Variants in GPD2 observed in about 807,000 individuals in gnomAD.
GPD2 encodes the protein glycerol-3-phosphate dehydrogenase, mitochondrial.
A neutral mutation model predicts 82.4 loss-of-function variants in GPD2; 54 were observed. That is an observed-to-expected ratio of 0.66 (90% CI 0.53 to 0.82). The LOEUF (loss-of-function observed/expected upper bound fraction) is 0.82. Among genes scored for constraint, GPD2 ranks in the 40% least tolerant of loss-of-function variants. The pLI is 0.00. For synonymous variants in GPD2, 288 were observed against 306.1 expected (o/e 0.94, Z 0.62); for missense variants, 748 against 896.2 (o/e 0.83, Z 2.11).
At chr2:156,521,166 A>G (rs964753905) in intron 6 of GPD2, among the ~76,000 whole-genome samples, 1 of 152,236 alleles carries the variant, frequency 6.6e-6, no homozygotes, top group African/African-American at 2.4e-5. Context: ...TGTTCACATA[A>G]TGGAGTAAAA....
chr2:156,530,504 G>A (rs1005810205), intron 6 of GPD2, among the ~76,000 whole-genome samples: 7 of 150,156 alleles, frequency 4.7e-5, no homozygotes, highest in African/African-American at 1.7e-4. Flanking sequence ...TCCCTGTCTT[G>A]TGCCAGTTTT....
At chr2:156,490,737 A>G (rs1404314822) in intron 2 of GPD2, among the ~76,000 whole-genome samples, 1 of 152,200 alleles carries the variant, frequency 6.6e-6, no homozygotes, top group East Asian at 1.9e-4. Flanking sequence ...TAACTTCTGT[A>G]TGTCTCAGAT....
intron 2 of GPD2, among the ~76,000 whole-genome samples, chr2:156,481,860 T>C (rs1683745443): frequency 6.6e-6 from 1 of 152,206 alleles, no homozygotes; most frequent in South Asian, 2.1e-4. Flanking sequence ...CATCTGTTGA[T>C]GGACATTTAG....
At chr2:156,419,429 G>T in the GPD2 span, among the ~76,000 whole-genome samples, 1 of 152,182 alleles carries the variant, frequency 6.6e-6, no homozygotes, top group Non-Finnish European at 1.5e-5. Flanking sequence ...GTTTTATAAA[G>T]AAATGGCATT....
intron 3 of GPD2, among the ~76,000 whole-genome samples, chr2:156,499,493 C>CA (rs1360220728): frequency 1.3e-5 from 2 of 152,102 alleles, no homozygotes; most frequent in East Asian, 3.9e-4. Context: ...GGTCAGATTG[C>CA]AAGACTTCAA....
At chr2:156,480,027 T>C (rs1683665522) in intron 2 of GPD2, among the ~76,000 whole-genome samples, 1 of 152,188 alleles carries the variant, frequency 6.6e-6, no homozygotes, top group East Asian at 1.9e-4. Context: ...TCAAGTTGAT[T>C]GTGATTCACT....
intron 3 of GPD2, among the ~76,000 whole-genome samples, chr2:156,507,601 T>C (rs1280154278): frequency 3.3e-5 from 5 of 152,182 alleles, no homozygotes; most frequent in African/African-American, 1.2e-4. Flanking sequence ...GCTAGGATTA[T>C]GTGAGCCACT....
Position 156,550,779 on chromosome 2 carries a change from A to C in GPD2, c.971+33A>C. On this transcript the variant is annotated intron_variant, in intron 8 of 16. Coordinates refer to ENST00000438166, the MANE Select transcript of GPD2 (RefSeq NM_000408.5). ...TCTTCCAATGTGGCAGTTGTCACCC[A>C]AAAAAGAGGGTCAGCAGAGATTGTC... The C allele has an allele frequency of 1.9e-6, 3 of 1,573,870 alleles. No individual in the cohort carries two copies. In the South Asian group the frequency reaches 3.3e-5, roughly 17 times the overall value.
intron 9 of GPD2, among the ~76,000 whole-genome samples, chr2:156,565,396 A>G (rs542640533): frequency 6.6e-6 from 1 of 152,222 alleles, no homozygotes; most frequent in Admixed American, 6.6e-5. Context: ...GAGGTTTTAT[A>G]TGACTGGTAA....
chr2:156,432,335 G>A (rs995210633), upstream of GPD2, among the ~76,000 whole-genome samples: 2 of 152,138 alleles, frequency 1.3e-5, no homozygotes, highest in Non-Finnish European at 2.9e-5. Context: ...TGGTGCTGAG[G>A]TTTGGACTTC....
In GPD2 at chr2:156,571,251, C is replaced by A. The variant is rs116790305; in HGVS notation, c.1726C>A (p.Leu576Met). The change falls in exon 13 of 17, where the codon CTG (leucine) becomes ATG (methionine). Residue 576 changes from leucine to methionine, a missense_variant. Physicochemically the swap from Leu to Met is conservative, Grantham distance 15 (BLOSUM62 2). This residue lies in a region of GPD2 where 692 missense variants were observed against 809.7 expected (regional missense o/e 0.85). Transcript: ENST00000438166. The part of the protein sequence containing the change: ...AEEALPRIVE[L>M]MGRELNWDDY... The stretch of plus-strand genomic sequence containing the variant: ...GGAAGCCCTACCCAGGATTGTTGAA[C>A]TGATGGGCAGGGAACTGAATTGGGA... 6.2e-7 allele frequency: 1 copy of A among 1,612,590 alleles called. No homozygotes were observed.
intron 1 of GPD2, among the ~76,000 whole-genome samples, chr2:156,456,429 C>A (rs116827594): frequency 6.6e-6 from 1 of 151,928 alleles, no homozygotes; most frequent in Non-Finnish European, 1.5e-5. Flanking sequence ...TATGACGAAA[C>A]CTTGTCTCTA....
chr2:156,421,333 G>A, the GPD2 span, among the ~76,000 whole-genome samples: 1 of 152,112 alleles, frequency 6.6e-6, no homozygotes, highest in Admixed American at 6.5e-5. Flanking sequence ...TATAATCATT[G>A]CATGTTATTT....
At chr2:156,547,536 C>T (rs1259487056) in intron 6 of GPD2, among the ~76,000 whole-genome samples, 2 of 152,146 alleles carry the variant, frequency 1.3e-5, no homozygotes. Flanking sequence ...GTGTAAGTGA[C>T]ATCTCAGATT....
chr2:156,458,256 A>T (rs1682854812), intron 1 of GPD2, among the ~76,000 whole-genome samples: 1 of 152,204 alleles, frequency 6.6e-6, no homozygotes, highest in African/African-American at 2.4e-5. Context: ...GGCCTGGCAC[A>T]GTGGAGGGGC....
intron 2 of GPD2, among the ~76,000 whole-genome samples, chr2:156,480,948 C>T (rs943779054): frequency 2.6e-5 from 4 of 151,218 alleles, no homozygotes; most frequent in Non-Finnish European, 5.9e-5. Context: ...AAGATCATTC[C>T]TCCTAAGGTC....
At chr2:156,505,005 G>A (rs1684732865) in intron 3 of GPD2, among the ~76,000 whole-genome samples, 1 of 150,070 alleles carries the variant, frequency 6.7e-6, no homozygotes, top group Admixed American at 6.7e-5. Flanking sequence ...ATGTTTTCAT[G>A]CATAATAAGA....
intron 16 of GPD2, among the ~76,000 whole-genome samples, chr2:156,581,989 A>T (rs1688043224): frequency 6.6e-6 from 1 of 151,890 alleles, no homozygotes; most frequent in Non-Finnish European, 1.5e-5. Flanking sequence ...TATATATATG[A>T]TGTGTGTGCA....
intron 1 of GPD2, among the ~76,000 whole-genome samples, chr2:156,448,392 G>A (rs968856868): frequency 3.9e-5 from 6 of 152,302 alleles, no homozygotes; most frequent in South Asian, 4.1e-4. Flanking sequence ...GATTACAGGC[G>A]TGAGCCACTG....
Sources: gnomAD v4.1 joint callset for allele counts (sites outside exome capture counted in the v4.1 genomes callset) on GRCh38, gnomAD v4.1.1 for gene constraint, gnomAD v4.1.1 regional missense constraint, MANE v1.5 for transcripts, NCBI Gene and HGNC (gene_info 2026-07-23, HGNC 2026-07-21) for gene names.